The following CEP112 variants were observed in gnomAD, a reference collection of about 807,000 sequenced individuals.
The protein encoded by CEP112 is centrosomal protein of 112 kDa.
In CEP112, 127 loss-of-function variants were observed where a neutral mutation model predicts 153.0. That is an observed-to-expected ratio of 0.83 (90% confidence interval 0.72 to 0.96). The LOEUF is 0.96. Ranked by LOEUF, CEP112 falls within the 40% of genes least tolerant of loss-of-function variation. CEP112 has a pLI of 0.00. For synonymous variants in CEP112, 358 were observed against 374.4 expected, an observed-to-expected ratio of 0.96 and a Z score of 0.51; for missense variants, 1,089 against 1,101.2, an observed-to-expected ratio of 0.99 and a Z score of 0.16.
chr17:65,747,532 T>C (rs11650175), intron 22 of CEP112, among the ~76,000 whole-genome samples: 37,558 of 152,206 alleles, frequency 0.25, 5,904 homozygotes, highest in Middle Eastern at 0.42. Context: ...TGGGGAAAAC[T>C]ATATTAATAT....
At chr17:66,123,170 T>A (rs2069679673) in intron 6 of CEP112, among the ~76,000 whole-genome samples, 1 of 152,228 alleles carries the variant, frequency 6.6e-6, no homozygotes, top group African/African-American at 2.4e-5. Flanking sequence ...CACAGTATTC[T>A]TGACCTACTG....
chr17:65,891,993 G>A (rs2059484516), intron 20 of CEP112, among the ~76,000 whole-genome samples: 1 of 152,140 alleles, frequency 6.6e-6, no homozygotes, highest in Non-Finnish European at 1.5e-5. Context: ...ATTGCTATGT[G>A]ATACTCTCCT....
intron 23 of CEP112, among the ~76,000 whole-genome samples, chr17:65,704,374 GA>G: frequency 6.6e-6 from 1 of 151,832 alleles, no homozygotes; most frequent in East Asian, 1.9e-4. Flanking sequence ...CACATGGGAA[GA>G]AACGTCCCTT....
intron 21 of CEP112, among the ~76,000 whole-genome samples, chr17:65,805,318 T>A (rs2055535221): frequency 6.6e-6 from 1 of 152,208 alleles, no homozygotes; most frequent in Non-Finnish European, 1.5e-5. Flanking sequence ...CTGCCCTTAG[T>A]CCCTTGCTCA....
At chr17:65,967,747 GTAA>G (rs2062466364) in intron 17 of CEP112, among the ~76,000 whole-genome samples, 1 of 152,110 alleles carries the variant, frequency 6.6e-6, no homozygotes, top group African/African-American at 2.4e-5. Context: ...TAAAGTTTAT[GTAA>G]TAATTTTATG....
intron 19 of CEP112, among the ~76,000 whole-genome samples, chr17:65,915,469 C>G (rs551413462): frequency 7.9e-5 from 12 of 152,202 alleles, no homozygotes; most frequent in East Asian, 1.9e-4. Context: ...AAGCTCCACA[C>G]AGCAACTGGA....
intron 6 of CEP112, among the ~76,000 whole-genome samples, chr17:66,117,321 G>A (rs764526684): frequency 3.3e-5 from 5 of 151,938 alleles, no homozygotes; most frequent in Admixed American, 6.6e-5. Flanking sequence ...TTTACCCATC[G>A]TTAGCTATAG....
intron 16 of CEP112, among the ~76,000 whole-genome samples, chr17:66,010,162 A>G (rs544804849): frequency 4.6e-5 from 7 of 152,092 alleles, no homozygotes; most frequent in Non-Finnish European, 8.8e-5. Context: ...ATCCCATTGT[A>G]GAAATCTTGC....
intron 8 of CEP112, among the ~76,000 whole-genome samples, chr17:66,071,417 C>G (rs1406706317): frequency 6.6e-6 from 1 of 152,034 alleles, no homozygotes; most frequent in Non-Finnish European, 1.5e-5. Context: ...TAAAAGGGAA[C>G]TAAAGCCAAA....
intron 24 of CEP112, among the ~76,000 whole-genome samples, chr17:65,644,100 A>G (rs1333649838): frequency 6.6e-6 from 1 of 152,208 alleles, no homozygotes; most frequent in Non-Finnish European, 1.5e-5. Context: ...CACCATGAAC[A>G]GTCTCTAGAA....
At chr17:66,109,677 CGAT>C (rs917537914) in intron 6 of CEP112, among the ~76,000 whole-genome samples, 1 of 151,936 alleles carries the variant, frequency 6.6e-6, no homozygotes, top group Non-Finnish European at 1.5e-5. Flanking sequence ...TGGACAGTCT[CGAT>C]GTTGCAAAAA....
intron 26 of CEP112, chr17:65,636,875 G>A (rs1048591488): frequency 1.2e-5 from 5 of 430,788 alleles, no homozygotes; most frequent in African/African-American, 1.0e-4. Flanking sequence ...GCCTCCCAAA[G>A]TGCTGGGATT....
chr17:65,731,663 G>A (rs1328285476), intron 23 of CEP112, among the ~76,000 whole-genome samples: 1 of 152,174 alleles, frequency 6.6e-6, no homozygotes. Flanking sequence ...GAAAATGGGA[G>A]TCTATCTTCT....
At chr17:66,029,100 T>C in intron 14 of CEP112, 23 bp downstream of exon 14, 1 of 1,550,934 alleles carries the variant, frequency 6.4e-7, no homozygotes, top group African/African-American at 1.4e-5. Context: ...TTCATGTGGA[T>C]TATCTATTAA....
At chr17:65,710,319 T>C (rs2049111513) in intron 23 of CEP112, among the ~76,000 whole-genome samples, 1 of 152,242 alleles carries the variant, frequency 6.6e-6, no homozygotes, top group Non-Finnish European at 1.5e-5. Context: ...TTGGACTTCA[T>C]GGCAGGCATT....
intron 24 of CEP112, chr17:65,655,283 A>C (rs997421277): frequency 2.3e-6 from 3 of 1,297,610 alleles, no homozygotes; most frequent in East Asian, 4.6e-5. Flanking sequence ...TGTTGGGTGC[A>C]GGCTGAGCGA....
intron 18 of CEP112, among the ~76,000 whole-genome samples, chr17:65,959,038 C>G (rs1418602391): frequency 1.3e-5 from 2 of 152,124 alleles, no homozygotes; most frequent in East Asian, 3.9e-4. Context: ...CAACCAGCTG[C>G]AGAGAGGAGC....
At chr17:65,970,888 C>A (rs993491068) in intron 17 of CEP112, among the ~76,000 whole-genome samples, 9 of 152,214 alleles carry the variant, frequency 5.9e-5, no homozygotes, top group Non-Finnish European at 1.3e-4. Flanking sequence ...ACATGCATAT[C>A]ACATCTGTGT....
chr17:65,725,521 T>TG (rs1385738787), intron 23 of CEP112, among the ~76,000 whole-genome samples: 1 of 152,168 alleles, frequency 6.6e-6, no homozygotes, highest in African/African-American at 2.4e-5. Context: ...TTCACCACGT[T>TG]GGCCAGGCTG....
Sources: allele counts gnomAD v4.1 joint callset (sites outside exome capture counted in the v4.1 genomes callset), GRCh38; gene constraint gnomAD v4.1.1; transcripts MANE v1.5; gene names NCBI Gene and HGNC (gene_info 2026-07-23, HGNC 2026-07-21).